The following ITGA1 variants were observed in gnomAD, a reference collection of about 807,000 sequenced individuals.
The protein encoded by ITGA1 is integrin subunit alpha 1.
In ITGA1, 85 loss-of-function variants were observed where a neutral mutation model predicts 145.9. That is an observed-to-expected ratio of 0.58 (90% CI 0.49 to 0.70). The LOEUF is 0.70. ITGA1 is among the 30% of genes least tolerant of loss of function. The probability of loss-of-function intolerance (pLI) is 0.00; values close to 1 mark genes in which losing one functional copy is unlikely to be tolerated. For missense variants in ITGA1, 1,351 were observed against 1,418.7 expected (o/e 0.95, Z 0.77); for synonymous variants, 520 against 495.3 (o/e 1.05, Z -0.66).
rs999394146 is a variant in ITGA1, at chr5:52,788,336, G to T, written c.-18G>T. 5 of 1,497,258 alleles carry T rather than the reference G, an allele frequency of 3.3e-6. No individual in the cohort carries two copies. In the African/African-American group the frequency reaches 4.4e-5, roughly 13 times the overall value. The allele number at this position is 1,497,258 out of a possible 1,614,324, so 92.7% of individuals were successfully genotyped here. Reference sequence around the variant, plus strand: ...CTGCGAACCAGCGCGGCCCCCTGGCGCTGAGGCTGCTCCGGCCATGGCCCC... The same window carrying T: ...CTGCGAACCAGCGCGGCCCCCTGGCTCTGAGGCTGCTCCGGCCATGGCCCC... On this transcript the variant is annotated 5_prime_UTR_variant, in exon 1 of 29. Coordinates refer to ENST00000282588, the MANE Select transcript of ITGA1 (RefSeq NM_181501.2).
At position 52,863,516 on chromosome 5, in the gene ITGA1, A is replaced by G. The variant is rs1366731372; in HGVS notation, c.296-1247A>G. On this transcript the variant is annotated intron_variant, in intron 3 of 28. Coordinates refer to ENST00000282588, the MANE Select transcript of ITGA1 (RefSeq NM_181501.2). ...GGGGGACAAAAACAAAACAAAACAC[A>G]AAAGCACAAAACTCATTTAGTGCCA... is the stretch of plus-strand genomic sequence containing the variant. 6.4e-4 allele frequency among the ~76,000 whole-genome samples: 97 copies of G among 152,152 alleles called. 2 individuals are homozygous for G. Among genetic ancestry groups the G allele is most frequent in the Admixed American group, 6.4e-3 (97 of 15,266 alleles).
chr5:52,866,008 T>TTTTTTC (rs1379334052), intron 6 of ITGA1, among the ~76,000 whole-genome samples, 191 bp downstream of exon 6: 1 of 151,602 alleles, frequency 6.6e-6, no homozygotes, highest in African/African-American at 2.4e-5. Context: ...TATTTTTTTC[T>TTTTTTC]TTTTTCTTTT....
rs1045444750 is a variant in ITGA1, at chr5:52,839,439, C to G, written c.62-9926C>G. Among the ~76,000 whole-genome samples the G allele has an allele frequency of 3.3e-5, 5 of 152,164 alleles. No homozygotes were observed. The South Asian group carries it at 1.0e-3, about 32-fold the overall frequency. ...GGGAAAGGGAGAATAGCTTTTGGCT[C>G]TTCTTGTACTATTTGAACATTAGGT... On this transcript the variant is annotated intron_variant, in intron 1 of 28. Transcript: ENST00000282588.
At chr5:52,852,846 A>G (rs921353073) in intron 2 of ITGA1, among the ~76,000 whole-genome samples, 1 of 152,124 alleles carries the variant, frequency 6.6e-6, no homozygotes, top group Non-Finnish European at 1.5e-5. Flanking sequence ...CTAGTTTAAC[A>G]CTCTGTTATC....
At chr5:52,937,950 T>TGTGTTTCTATGTGTTCTC (rs1750996168) in intron 24 of ITGA1, among the ~76,000 whole-genome samples, 2 of 131,734 alleles carry the variant, frequency 1.5e-5, no homozygotes, top group Non-Finnish European at 3.5e-5. Context: ...TCTCCTTCTC[T>TGTGTTTCTATGTGTTCTC]CTTTGTGTTT....
intron 1 of ITGA1, among the ~76,000 whole-genome samples, chr5:52,808,676 C>CTTTCTTTTTTTTTTTTTTTTTTT: frequency 1.9e-3 from 129 of 69,366 alleles, no homozygotes; most frequent in African/African-American, 2.7e-3. Flanking sequence ...TTCTTTCTTT[C>CTTTCTTTTTTTTTTTTTTTTTTT]TTTTTTTTTT....
intron 6 of ITGA1, among the ~76,000 whole-genome samples, chr5:52,880,434 T>C (rs1382477464): frequency 6.6e-6 from 1 of 152,194 alleles, no homozygotes; most frequent in African/African-American, 2.4e-5. Context: ...TTGCTTTAAA[T>C]TTGGGCTTCT....
In ITGA1 at chr5:52,860,492, G is replaced by A. The variant is rs574063329; in HGVS notation, c.183-955G>A. Among the ~76,000 whole-genome samples the A allele has an allele frequency of 9.2e-5, 14 of 152,296 alleles. No individual in the cohort carries two copies. The South Asian group carries it at 1.4e-3, about 16-fold the overall frequency. On this transcript the variant is annotated intron_variant, in intron 2 of 28. Transcript: ENST00000282588. The stretch of plus-strand genomic sequence containing the variant: ...ACCCAGGAGGCGGAGGTTGCAGTGG[G>A]CCAAGGTCATGCCACTGCACTCCAG...
intron 28 of ITGA1, among the ~76,000 whole-genome samples, chr5:52,952,131 A>C (rs1287253123): frequency 6.6e-6 from 1 of 151,238 alleles, no homozygotes; most frequent in Non-Finnish European, 1.5e-5. Context: ...CGGAGGTTGC[A>C]GTGAGCGGAG....
intron 6 of ITGA1, among the ~76,000 whole-genome samples, chr5:52,877,256 G>A (rs1361359714): frequency 3.3e-5 from 5 of 152,170 alleles, no homozygotes; most frequent in Admixed American, 3.3e-4. Flanking sequence ...ATATGTAGAA[G>A]GATGTGAAGA....
Position 52,887,805 on chromosome 5 carries a change from A to T in ITGA1, c.774-10A>T, listed in dbSNP as rs150745144. On this transcript the variant is annotated splice_polypyrimidine_tract_variant and intron_variant, in intron 7 of 28. Coordinates refer to ENST00000282588, the MANE Select transcript of ITGA1 (RefSeq NM_181501.2). ...CTTATCAACCTCTCTTTTGTTTGTG[A>T]TTACTTTAGAAAGGAGGCATTCACG... The T allele has an allele frequency of 4.4e-4, 701 of 1,605,162 alleles. 10 individuals carry two copies. The African/African-American group carries it at 8.7e-3, about 20-fold the overall frequency.
At chr5:52,877,931 A>C (rs946772665) in intron 6 of ITGA1, among the ~76,000 whole-genome samples, 10 of 152,166 alleles carry the variant, frequency 6.6e-5, no homozygotes, top group African/African-American at 2.4e-4. Flanking sequence ...TTCACATGAT[A>C]GTGATATATT....
At chr5:52,931,367 T>G (rs1427530043) in intron 21 of ITGA1, 1 of 152,190 alleles carries the variant, frequency 6.6e-6, no homozygotes, top group Non-Finnish European at 1.5e-5. Context: ...AATCTCATTC[T>G]CTGGCCCCAG....
rs192827663 is a variant in ITGA1 at position 52,838,656 on chromosome 5, C to T, written c.62-10709C>T. ...CTTTAAGTCCCACAGCAAAATAAAACATAGGTAGGCCTCATTTTATGTTTT... is the reference window on the plus strand; with the variant it reads ...CTTTAAGTCCCACAGCAAAATAAAATATAGGTAGGCCTCATTTTATGTTTT... On this transcript the variant is annotated intron_variant, in intron 1 of 28. Transcript: ENST00000282588. 3.9e-5 allele frequency among the ~76,000 whole-genome samples: 6 copies of T among 152,182 alleles called. No homozygotes were observed. In the East Asian group the frequency reaches 1.2e-3, roughly 29 times the overall value.
At chr5:52,857,809 T>C (rs1295579166) in intron 2 of ITGA1, among the ~76,000 whole-genome samples, 2 of 152,186 alleles carry the variant, frequency 1.3e-5, no homozygotes, top group Non-Finnish European at 2.9e-5. Context: ...TTCCACATGG[T>C]TTCTGAGATG....
chr5:52,958,830 G>A lies in ITGA1; in HGVS notation c.*6379G>A, dbSNP rs1751338898. On this transcript the variant is annotated 3_prime_UTR_variant, in exon 29 of 29. Transcript: ENST00000282588. ...TCATTTTTTTTTGCCTCACTAAAAT[G>A]ACTAACTTAAGGGAATGTGCATTTC... 6.6e-6 allele frequency: 1 copy of A among 151,860 alleles called. No homozygotes were observed. 9.4% of individuals were successfully genotyped at this position (151,860 alleles called of 1,614,324 possible).
intron 6 of ITGA1, among the ~76,000 whole-genome samples, chr5:52,869,077 A>G (rs1749735137): frequency 6.6e-6 from 1 of 152,192 alleles, no homozygotes; most frequent in South Asian, 2.1e-4. Context: ...TGCTTGAACT[A>G]TACCCCAGAT....
At position 52,790,049 on chromosome 5, in the gene ITGA1, A is replaced by G. The variant is rs148255739; in HGVS notation, c.61+1635A>G. Among the ~76,000 whole-genome samples the G allele has an allele frequency of 9.5e-4, 145 of 152,326 alleles. 1 individual carries two copies. Among genetic ancestry groups the G allele is most frequent in the African/African-American group, 3.2e-3 (131 of 41,578 alleles). On this transcript the variant is annotated intron_variant, in intron 1 of 28. Coordinates refer to ENST00000282588, the MANE Select transcript of ITGA1 (RefSeq NM_181501.2). ...AAATTGGACTGCTTTCCCATCAGTC[A>G]TTATATTCTGTAGGCTCTTCTTTAG... is the stretch of plus-strand genomic sequence containing the variant.
chr5:52,868,295 T>G (rs1315388195), intron 6 of ITGA1, among the ~76,000 whole-genome samples: 1 of 152,224 alleles, frequency 6.6e-6, no homozygotes, highest in Non-Finnish European at 1.5e-5. Context: ...AGCTGTGACA[T>G]GTCTGAAGTT....
Sources: gnomAD v4.1 joint callset for allele counts (sites outside exome capture counted in the v4.1 genomes callset) on GRCh38, gnomAD v4.1.1 for gene constraint, MANE v1.5 for transcripts, NCBI Gene and HGNC (gene_info 2026-07-23, HGNC 2026-07-21) for gene names.